The following PRKG1 variants were observed in gnomAD, a reference collection of about 807,000 sequenced individuals.
PRKG1 encodes the protein cGMP-dependent protein kinase 1.
Under a neutral mutation model 88.1 loss-of-function variants are expected in PRKG1, and 35 were observed. The ratio of observed to expected loss-of-function variants is 0.40; its 90% CI spans 0.30 to 0.53. The LOEUF (loss-of-function observed/expected upper bound fraction) is 0.53, where lower values mean the gene tolerates loss of function less well. Ranked by LOEUF, PRKG1 falls within the 20% of genes least tolerant of loss-of-function variation. The pLI, the probability that PRKG1 is intolerant of heterozygous loss-of-function variation, is 0.59. For missense variants in PRKG1, 540 were observed against 839.8 expected, an observed-to-expected ratio of 0.64 and a Z score of 4.41; for synonymous variants, 303 against 292.5, an observed-to-expected ratio of 1.04 and a Z score of -0.37.
chr10:51,125,372 A>G (rs551326173), intron 1 of PRKG1, among the ~76,000 whole-genome samples: 1 of 150,974 alleles, frequency 6.6e-6, no homozygotes, highest in African/African-American at 2.4e-5. Context: ...AAAAAATTAT[A>G]AAGTATAAAT....
chr10:51,008,898 CCTT>C (rs1440339684), intron 1 of PRKG1, among the ~76,000 whole-genome samples: 1 of 152,176 alleles, frequency 6.6e-6, no homozygotes, highest in Non-Finnish European at 1.5e-5. Flanking sequence ...TGCCCTCCCT[CCTT>C]CTCCCATTTT....
At chr10:51,042,802 G>T (rs1433863215) in intron 1 of PRKG1, among the ~76,000 whole-genome samples, 3 of 152,114 alleles carry the variant, frequency 2.0e-5, no homozygotes, top group African/African-American at 7.2e-5. Context: ...CCAATGTGAT[G>T]GTATTTGGAG....
chr10:52,082,006 T>C (rs909037514), intron 7 of PRKG1, among the ~76,000 whole-genome samples: 1 of 152,156 alleles, frequency 6.6e-6, no homozygotes, highest in African/African-American at 2.4e-5. Context: ...GATGTTTAAT[T>C]GACTCACAGT....
chr10:51,306,435 G>T (rs868272329), intron 2 of PRKG1: 1 of 152,132 alleles, frequency 6.6e-6, no homozygotes. Flanking sequence ...GTATGGCCTT[G>T]GTTGTACCCC....
intron 3 of PRKG1, among the ~76,000 whole-genome samples, chr10:51,690,507 A>G (rs1245330209): frequency 6.6e-6 from 1 of 152,202 alleles, no homozygotes; most frequent in Non-Finnish European, 1.5e-5. Flanking sequence ...GTCATTTTCT[A>G]TAATCTACAT....
intron 3 of PRKG1, among the ~76,000 whole-genome samples, chr10:51,516,956 C>G (rs898807108): frequency 1.3e-5 from 2 of 152,030 alleles, no homozygotes; most frequent in Non-Finnish European, 2.9e-5. Flanking sequence ...ATTAAGGAAC[C>G]TATTTTATAG....
chr10:51,698,989 A>G (rs772469448), intron 3 of PRKG1: 1 of 1,614,224 alleles, frequency 6.2e-7, no homozygotes, highest in South Asian at 1.1e-5. Flanking sequence ...GAATTTTCAG[A>G]GCAATCTCTG....
At chr10:51,983,717 C>G (rs1218198675) in intron 5 of PRKG1, among the ~76,000 whole-genome samples, 1 of 152,248 alleles carries the variant, frequency 6.6e-6, no homozygotes, top group Non-Finnish European at 1.5e-5. Context: ...CCTACCACTT[C>G]TCTAAGCAGC....
chr10:52,018,122 A>T (rs1337172228), intron 5 of PRKG1, among the ~76,000 whole-genome samples: 2 of 152,288 alleles, frequency 1.3e-5, no homozygotes, highest in Admixed American at 6.5e-5. Context: ...TTTCTAAAAG[A>T]TTTAGTATTT....
At chr10:51,502,054 A>C (rs1398410216) in intron 3 of PRKG1, among the ~76,000 whole-genome samples, 1 of 152,160 alleles carries the variant, frequency 6.6e-6, no homozygotes, top group Non-Finnish European at 1.5e-5. Context: ...TTAAACCACA[A>C]ATAAACAAAA....
At chr10:51,869,276 C>A (rs1355206587) in intron 4 of PRKG1, among the ~76,000 whole-genome samples, 1 of 152,110 alleles carries the variant, frequency 6.6e-6, no homozygotes, top group Non-Finnish European at 1.5e-5. Context: ...AATGCATTTA[C>A]CCATGTGTTT....
intron 4 of PRKG1, among the ~76,000 whole-genome samples, chr10:51,858,635 G>C (rs1384495854): frequency 2.0e-5 from 3 of 149,350 alleles, no homozygotes; most frequent in Non-Finnish European, 4.4e-5. Flanking sequence ...CCTTTCACAT[G>C]CCTGTACATT....
chr10:52,031,166 C>T (rs1312500165), intron 5 of PRKG1, among the ~76,000 whole-genome samples: 1 of 152,014 alleles, frequency 6.6e-6, no homozygotes, highest in African/African-American at 2.4e-5. Context: ...AGATTTATTC[C>T]AACGCTGTTG....
chr10:51,902,577 A>G (rs1435765810), intron 4 of PRKG1, among the ~76,000 whole-genome samples: 1 of 152,200 alleles, frequency 6.6e-6, no homozygotes, highest in Admixed American at 6.6e-5. Flanking sequence ...ACTCAGGCAC[A>G]CAGAAAACTT....
chr10:51,155,300 G>T (rs1846178646), intron 2 of PRKG1, among the ~76,000 whole-genome samples: 1 of 151,970 alleles, frequency 6.6e-6, no homozygotes, highest in African/African-American at 2.4e-5. Flanking sequence ...GAAGAAGCTT[G>T]GGAATAATAG....
intron 2 of PRKG1, among the ~76,000 whole-genome samples, chr10:51,413,346 T>G (rs1047007543): frequency 7.7e-5 from 11 of 142,902 alleles, no homozygotes; most frequent in African/African-American, 2.5e-4. Context: ...AAAAAAATGT[T>G]TTTTTTTTGT....
chr10:51,953,904 G>GA (rs2133057788), intron 5 of PRKG1, among the ~76,000 whole-genome samples: 1 of 152,184 alleles, frequency 6.6e-6, no homozygotes, highest in South Asian at 2.1e-4. Flanking sequence ...TTGTGTTAAA[G>GA]AAATTGCCCC....
At chr10:51,527,747 G>A (rs1018921784) in intron 3 of PRKG1, among the ~76,000 whole-genome samples, 6 of 152,190 alleles carry the variant, frequency 3.9e-5, no homozygotes, top group African/African-American at 1.4e-4. Flanking sequence ...AAAGATAGCA[G>A]TAGAGTTATA....
intron 3 of PRKG1, among the ~76,000 whole-genome samples, chr10:51,701,052 A>T (rs1841452443): frequency 6.6e-6 from 1 of 152,214 alleles, no homozygotes. Flanking sequence ...CATCAATTTT[A>T]TATTTTTTAT....
Sources: allele counts gnomAD v4.1 joint callset (sites outside exome capture counted in the v4.1 genomes callset), GRCh38; gene constraint gnomAD v4.1.1; transcripts MANE v1.5; gene names NCBI Gene and HGNC (gene_info 2026-07-23, HGNC 2026-07-21).